BRWD1: variants seen among roughly 807,000 people sequenced by gnomAD.
BRWD1 encodes the protein bromodomain and WD repeat domain containing 1, also known as bromodomain and WD repeat-containing protein 1.
A neutral mutation model predicts 251.2 loss-of-function variants in BRWD1; 82 were observed. The observed-to-expected ratio is 0.33, with a 90% confidence interval of 0.27 to 0.39. BRWD1 has a LOEUF of 0.39. Ranked by LOEUF, BRWD1 falls within the 10% of genes least tolerant of loss-of-function variation. The pLI is 1.00. For synonymous variants in BRWD1, 918 were observed against 902.8 expected (o/e 1.02, Z -0.30); for missense variants, 2,233 against 2,711.6 (o/e 0.82, Z 3.92).
chr21:39,309,096 C>A (rs924495877), intron 4 of BRWD1, among the ~76,000 whole-genome samples: 3 of 151,816 alleles, frequency 2.0e-5, no homozygotes, highest in African/African-American at 7.3e-5. Context: ...ATCGCTTGAA[C>A]CCGGGAGGCA....
intron 13 of BRWD1, among the ~76,000 whole-genome samples, chr21:39,272,312 A>T (rs958345994): frequency 5.3e-5 from 8 of 149,722 alleles, no homozygotes; most frequent in East Asian, 2.0e-4. Context: ...AAATAAATAA[A>T]AAAAAAAAAA....
chr21:39,244,641 G>A (rs1207656179), intron 21 of BRWD1, among the ~76,000 whole-genome samples: 1 of 151,974 alleles, frequency 6.6e-6, no homozygotes, highest in African/African-American at 2.4e-5. Flanking sequence ...TAATGATAAT[G>A]GCACTACATA....
At chr21:39,271,022 C>T (rs182375951) in intron 13 of BRWD1, among the ~76,000 whole-genome samples, 29 of 152,332 alleles carry the variant, frequency 1.9e-4, no homozygotes, top group Non-Finnish European at 3.5e-4. Context: ...GGGCCAGACA[C>T]GGTGGCTCAC....
At position 39,218,562 on chromosome 21, in the gene BRWD1, A is replaced by C; in HGVS notation, c.3481T>G (p.Ser1161Ala). The C allele has an allele frequency of 1.2e-6, 2 of 1,612,476 alleles. No homozygotes were observed. Among genetic ancestry groups the C allele is most frequent in the African/African-American group, 2.7e-5 (2 of 75,006 alleles). Residue 1161 changes from serine to alanine, a missense_variant, in exon 30 of 41, where the codon TCA becomes GCA. Ser to Ala is a moderately conservative substitution (Grantham distance 99). Transcript: ENST00000342449. ...ATTCTATCACATTCTTCATCTCTTGATTTCTGACCCCATTCACCAGCTTGT... is the reference window on the plus strand; with the variant it reads ...ATTCTATCACATTCTTCATCTCTTGCTTTCTGACCCCATTCACCAGCTTGT... ...KPQAGEWGQK[S>A]RDEECDRIIS...
intron 37 of BRWD1, among the ~76,000 whole-genome samples, chr21:39,205,025 T>C (rs1165853970): frequency 6.6e-6 from 1 of 152,186 alleles, no homozygotes; most frequent in East Asian, 1.9e-4. Context: ...TAATAAGATT[T>C]GAAAAAATCT....
chr21:39,194,051 A>G lies in BRWD1; in HGVS notation c.*2208T>C, dbSNP rs1246294848. On this transcript the variant is annotated 3_prime_UTR_variant, in exon 41 of 41. Coordinates refer to ENST00000342449, the MANE Select transcript of BRWD1 (RefSeq NM_033656.4). ...ATTCTTGCTGCTTCTGATGAAACCAAATCTGATTAAAAACCAAAATACCAC... is the reference window on the plus strand; with the variant it reads ...ATTCTTGCTGCTTCTGATGAAACCAGATCTGATTAAAAACCAAAATACCAC... 8 of 985,438 alleles carry G rather than the reference A, an allele frequency of 8.1e-6. No homozygotes were observed. Among genetic ancestry groups the G allele is most frequent in the Non-Finnish European group, 9.6e-6 (8 of 829,734 alleles). The allele number at this position is 985,438 out of a possible 1,614,324, so 61.0% of individuals were successfully genotyped here.
intron 33 of BRWD1, among the ~76,000 whole-genome samples, chr21:39,213,214 C>A (rs2146500356): frequency 6.6e-6 from 1 of 152,236 alleles, no homozygotes; most frequent in South Asian, 2.1e-4. Context: ...CTCCAAGGTA[C>A]TTTATATAAT....
chr21:39,193,087 G>C lies in BRWD1; in HGVS notation c.*3172C>G, dbSNP rs1233738773. On this transcript the variant is annotated 3_prime_UTR_variant, in exon 41 of 41. Coordinates refer to ENST00000342449, the MANE Select transcript of BRWD1 (RefSeq NM_033656.4). ...ACACCCTCAGATGGTATTTTTATTG[G>C]TTTGTTTTATATTCCCCTTTTCCAT... 1.0e-6 allele frequency: 1 copy of C among 984,892 alleles called. No homozygotes were observed. The highest frequency in any genetic ancestry group is 1.2e-6 in the Non-Finnish European group (1 of 829,664). The allele number at this position is 984,892 out of a possible 1,614,324, so 61.0% of individuals were successfully genotyped here. A position where few individuals can be genotyped will look rare whatever the true frequency, so the allele number is the denominator to read the frequency against.
chr21:39,236,912 T>TTGA, intron 22 of BRWD1, 128 bp from the exon 23 acceptor site: 1 of 727,754 alleles, frequency 1.4e-6, no homozygotes, highest in Non-Finnish European at 2.2e-6. Flanking sequence ...AAGACTTAAC[T>TTGA]TGAGCATTCT....
At chr21:39,266,811 G>A (rs2034936258) in intron 15 of BRWD1, among the ~76,000 whole-genome samples, 1 of 152,162 alleles carries the variant, frequency 6.6e-6, no homozygotes, top group Non-Finnish European at 1.5e-5. Context: ...GGAATTATGA[G>A]CCTCTTAGCT....
chr21:39,267,905 C>CA (rs916721991), intron 15 of BRWD1, among the ~76,000 whole-genome samples: 121 of 149,690 alleles, frequency 8.1e-4, no homozygotes, highest in African/African-American at 2.8e-3. Context: ...ATAAAAATTT[C>CA]AAAAAAAAAG....
intron 21 of BRWD1, among the ~76,000 whole-genome samples, chr21:39,244,393 GAA>G (rs1202546591): frequency 1.3e-5 from 2 of 152,032 alleles, no homozygotes; most frequent in African/African-American, 4.8e-5. Flanking sequence ...ATAAATGTGG[GAA>G]AGTTACTGAA....
upstream of BRWD1, chr21:39,314,595 C>A: frequency 8.7e-6 from 3 of 345,968 alleles, no homozygotes; most frequent in South Asian, 6.5e-5. Flanking sequence ...TGCCAGGCTT[C>A]TGACCTAACT....
intron 40 of BRWD1, among the ~76,000 whole-genome samples, chr21:39,198,399 G>A (rs1222969376): frequency 6.6e-6 from 1 of 151,854 alleles, no homozygotes; most frequent in Non-Finnish European, 1.5e-5. Context: ...TACCCTTTTT[G>A]TCTACTACTT....
At chr21:39,200,473 T>C in intron 38 of BRWD1, 87 bp from the exon 39 acceptor site, 1 of 1,050,918 alleles carries the variant, frequency 9.5e-7, no homozygotes, top group Non-Finnish European at 1.3e-6. Context: ...CTCTGAACAT[T>C]ACATAACATT....
chr21:39,246,872 A>G (rs1164139029), intron 21 of BRWD1, among the ~76,000 whole-genome samples: 2 of 152,150 alleles, frequency 1.3e-5, no homozygotes, highest in African/African-American at 4.8e-5. Context: ...CACAAGGTCA[A>G]GAGATCCAGA....
chr21:39,304,564 T>C (rs1044730918), intron 4 of BRWD1, among the ~76,000 whole-genome samples: 1 of 151,156 alleles, frequency 6.6e-6, no homozygotes, highest in African/African-American at 2.4e-5. Flanking sequence ...CAGTGTGCCA[T>C]GATCATGCCA....
chr21:39,288,836 G>C (rs1368384500), intron 8 of BRWD1, among the ~76,000 whole-genome samples: 3 of 152,162 alleles, frequency 2.0e-5, no homozygotes, highest in Non-Finnish European at 4.4e-5. Context: ...GGCTGAAGAG[G>C]AGGAGGAGGA....
At chr21:39,256,935 C>T (rs1249614338) in intron 18 of BRWD1, among the ~76,000 whole-genome samples, 2 of 152,158 alleles carry the variant, frequency 1.3e-5, no homozygotes, top group East Asian at 1.9e-4. Context: ...CTATGCTTCA[C>T]CAACTTCAAA....
Sources: allele counts gnomAD v4.1 joint callset (sites outside exome capture counted in the v4.1 genomes callset), GRCh38; gene constraint gnomAD v4.1.1; transcripts MANE v1.5; gene names NCBI Gene and HGNC (gene_info 2026-07-23, HGNC 2026-07-21).